Variants in TRPS1 observed in about 807,000 individuals in gnomAD.
TRPS1 encodes the protein transcriptional repressor GATA binding 1.
Under a neutral mutation model 101.2 loss-of-function variants are expected in TRPS1, and 6 were observed. That is an observed-to-expected ratio of 0.06 (90% CI 0.03 to 0.12). The LOEUF is 0.12. Among genes scored for constraint, TRPS1 ranks in the 10% least tolerant of loss-of-function variants. The pLI is 1.00. For missense variants in TRPS1, 1,363 were observed against 1,567.0 expected (o/e 0.87, Z 2.20); for synonymous variants, 578 against 589.8 (o/e 0.98, Z 0.29).
At chr8:115,623,307 T>G (rs1038684627) in intron 2 of TRPS1, among the ~76,000 whole-genome samples, 1 of 151,964 alleles carries the variant, frequency 6.6e-6, no homozygotes, top group Non-Finnish European at 1.5e-5. Context: ...TGCTGTTTTT[T>G]AAAAAAATGT....
At chr8:115,495,639 A>C (rs1195361472) in intron 5 of TRPS1, among the ~76,000 whole-genome samples, 1 of 152,006 alleles carries the variant, frequency 6.6e-6, no homozygotes, top group Non-Finnish European at 1.5e-5. Context: ...ACATGAAAAT[A>C]GGATTAGTTT....
At chr8:115,616,046 ATT>A (rs1279779758) in intron 3 of TRPS1, among the ~76,000 whole-genome samples, 1 of 151,584 alleles carries the variant, frequency 6.6e-6, no homozygotes, top group East Asian at 1.9e-4. Context: ...TTGGTAAAGA[ATT>A]TACATGTCTT....
chr8:115,510,848 A>G (rs1413431051), intron 5 of TRPS1, among the ~76,000 whole-genome samples: 1 of 151,942 alleles, frequency 6.6e-6, no homozygotes, highest in African/African-American at 2.4e-5. Flanking sequence ...CAAGGTTATC[A>G]GAATTAGTTC....
intron 5 of TRPS1, among the ~76,000 whole-genome samples, chr8:115,550,226 T>C (rs769491672): frequency 3.3e-5 from 5 of 152,080 alleles, no homozygotes; most frequent in Non-Finnish European, 5.9e-5. Context: ...AAAAGAATGA[T>C]TTCTAATGGC....
intron 5 of TRPS1, among the ~76,000 whole-genome samples, chr8:115,581,798 G>A (rs1817458154): frequency 6.6e-6 from 1 of 152,102 alleles, no homozygotes; most frequent in Non-Finnish European, 1.5e-5. Flanking sequence ...TAATGAATTT[G>A]ATACATGGAT....
At chr8:115,503,358 TAAA>T (rs1008834993) in intron 5 of TRPS1, among the ~76,000 whole-genome samples, 3 of 150,824 alleles carry the variant, frequency 2.0e-5, no homozygotes, top group African/African-American at 7.3e-5. Flanking sequence ...TGTCAAAAAA[TAAA>T]AACAAAAACA....
intron 1 of TRPS1, among the ~76,000 whole-genome samples, chr8:115,640,912 A>T (rs1292530677): frequency 6.6e-6 from 1 of 152,174 alleles, no homozygotes; most frequent in Admixed American, 6.5e-5. Context: ...TGGAACTTCT[A>T]CATTTATTCA....
chr8:115,504,982 CTTCATA>C (rs1815406406), intron 5 of TRPS1, among the ~76,000 whole-genome samples: 1 of 151,902 alleles, frequency 6.6e-6, no homozygotes, highest in African/African-American at 2.4e-5. Flanking sequence ...GCATATATAT[CTTCATA>C]TTCATATAGA....
At chr8:115,491,653 GAAGAAAGAAAGAAGA>G (rs1815024260) in intron 5 of TRPS1, among the ~76,000 whole-genome samples, 1 of 151,098 alleles carries the variant, frequency 6.6e-6, no homozygotes, top group Non-Finnish European at 1.5e-5. Flanking sequence ...AGAAAGAAAG[GAAGAAAGAAAGAAGA>G]AAGAAAGAAA....
chr8:115,547,076 T>G (rs1816590700), intron 5 of TRPS1, among the ~76,000 whole-genome samples: 1 of 152,204 alleles, frequency 6.6e-6, no homozygotes, highest in Non-Finnish European at 1.5e-5. Flanking sequence ...TACGGGATGT[T>G]TACTTAATTT....
chr8:115,493,841 T>C (rs1031116300), intron 5 of TRPS1, among the ~76,000 whole-genome samples: 1 of 152,204 alleles, frequency 6.6e-6, no homozygotes, highest in African/African-American at 2.4e-5. Context: ...GGTAATTAAA[T>C]ATTTAAATAG....
At chr8:115,457,896 T>C (rs1290186757) in intron 5 of TRPS1, among the ~76,000 whole-genome samples, 1 of 152,102 alleles carries the variant, frequency 6.6e-6, no homozygotes, top group Non-Finnish European at 1.5e-5. Flanking sequence ...TTAATGAGTT[T>C]TGAGTTGGAT....
At chr8:115,475,313 CA>C (rs1370044412) in intron 5 of TRPS1, among the ~76,000 whole-genome samples, 1 of 127,586 alleles carries the variant, frequency 7.8e-6, no homozygotes, top group African/African-American at 3.7e-5. Context: ...TATTTGTTAT[CA>C]GGAACAAAAT....
At chr8:115,538,100 A>G (rs949822147) in intron 5 of TRPS1, among the ~76,000 whole-genome samples, 1 of 152,202 alleles carries the variant, frequency 6.6e-6, no homozygotes, top group Non-Finnish European at 1.5e-5. Context: ...CGGACTTTGC[A>G]TCTAAATTTA....
chr8:115,435,071 T>A (rs904394771), intron 5 of TRPS1, among the ~76,000 whole-genome samples: 1 of 152,218 alleles, frequency 6.6e-6, no homozygotes, highest in Non-Finnish European at 1.5e-5. Flanking sequence ...CAAGTGCTAA[T>A]CAGTTTCTAT....
intron 1 of TRPS1, among the ~76,000 whole-genome samples, chr8:115,630,926 G>C (rs1419566007): frequency 6.6e-6 from 1 of 152,008 alleles, no homozygotes; most frequent in Non-Finnish European, 1.5e-5. Context: ...AAACTTACAA[G>C]AGAACACAAT....
In TRPS1 at chr8:115,619,717, T is replaced by C; in HGVS notation, c.381A>G (p.Ser127=). Reference sequence around the variant, plus strand: ...CACAGACTCCCCCAGCAGCTGGAGATGAGAAAGCCAACATATTTCTGTCTG... The same window carrying C: ...CACAGACTCCCCCAGCAGCTGGAGACGAGAAAGCCAACATATTTCTGTCTG... The part of the protein sequence containing the change: ...EVTDRNMLAF[S]SPAAGGVCEP... Residue 127 remains serine, a synonymous_variant, in exon 3 of 7, where the codon TCA becomes TCG. Transcript: ENST00000395715. 1 of 1,614,166 alleles carries C rather than the reference T, an allele frequency of 6.2e-7. No homozygotes were observed. Among genetic ancestry groups the C allele is most frequent in the Non-Finnish European group, 8.5e-7 (1 of 1,180,020 alleles).
intron 3 of TRPS1, among the ~76,000 whole-genome samples, chr8:115,606,091 C>T (rs1230646075): frequency 6.6e-6 from 1 of 152,148 alleles, no homozygotes; most frequent in East Asian, 1.9e-4. Context: ...CATCTTCTGC[C>T]TTCTTCAACA....
chr8:115,625,667 C>T (rs1818489476), intron 1 of TRPS1, among the ~76,000 whole-genome samples: 1 of 151,780 alleles, frequency 6.6e-6, no homozygotes, highest in African/African-American at 2.4e-5. Context: ...AAGAAAATGA[C>T]TATAAGGAAC....
Sources: gnomAD v4.1 joint callset for allele counts (sites outside exome capture counted in the v4.1 genomes callset) on GRCh38, gnomAD v4.1.1 for gene constraint, MANE v1.5 for transcripts, NCBI Gene and HGNC (gene_info 2026-07-23, HGNC 2026-07-21) for gene names.